The following OSBPL10 variants were observed in gnomAD, a reference collection of about 807,000 sequenced individuals.
OSBPL10 encodes oxysterol binding protein like 10.
OSBPL10 carries 49 observed loss-of-function variants against 81.7 expected under a neutral mutation model. The observed-to-expected ratio is 0.60, with a 90% confidence interval of 0.48 to 0.76. The LOEUF is 0.76. Among genes scored for constraint, OSBPL10 ranks in the 30% least tolerant of loss-of-function variants. OSBPL10 has a pLI of 0.00. For synonymous variants in OSBPL10, 419 were observed against 383.6 expected, an observed-to-expected ratio of 1.09 and a Z score of -1.08; for missense variants, 923 against 987.8, an observed-to-expected ratio of 0.93 and a Z score of 0.88.
intron 1 of OSBPL10, among the ~76,000 whole-genome samples, chr3:31,947,377 G>A (rs999296977): frequency 6.6e-6 from 1 of 152,208 alleles, no homozygotes; most frequent in Non-Finnish European, 1.5e-5. Context: ...CTGAACAGCA[G>A]TTCCCACAGC....
intron 3 of OSBPL10, among the ~76,000 whole-genome samples, chr3:31,869,395 A>AC (rs1275164965): frequency 6.6e-6 from 1 of 152,078 alleles, no homozygotes. Flanking sequence ...GTTTACGGGA[A>AC]CCCCCCACCC....
upstream of OSBPL10, among the ~76,000 whole-genome samples, chr3:31,985,167 AG>A (rs541945089): frequency 2.0e-5 from 3 of 152,216 alleles, no homozygotes; most frequent in South Asian, 6.2e-4. Context: ...TGAACCCAGA[AG>A]GCAGAGGTTG....
intron 7 of OSBPL10, among the ~76,000 whole-genome samples, chr3:31,690,787 T>G (rs1695515204): frequency 6.6e-6 from 1 of 152,228 alleles, no homozygotes; most frequent in South Asian, 2.1e-4. Context: ...CATTGGAGTT[T>G]GTGCAGAATG....
rs1698829670 is a variant in OSBPL10, at chr3:31,981,116, T to TGCTGCTGCG, written c.55_63dup (p.Arg19_Ser21dup). On this transcript the variant is annotated inframe_insertion, in exon 1 of 12. Coordinates refer to ENST00000396556, the MANE Select transcript of OSBPL10 (RefSeq NM_017784.5). This position sits in a 1 kb window ranked among gnomAD's most constrained non-coding sequence, Gnocchi z 4.5. The stretch of plus-strand genomic sequence containing the variant: ...GAGGAGCCCGCCGAGGTAGCACGGC[T>TGCTGCTGCG]GCTGCTGCGGCTGCTGCTGTTGCTA... 1.3e-6 allele frequency: 2 copies of TGCTGCTGCG among 1,492,792 alleles called. No individual in the cohort carries two copies. The highest frequency in any genetic ancestry group is 1.8e-6 in the Non-Finnish European group (2 of 1,125,992). The allele number at this position is 1,492,792 out of a possible 1,614,324, so 92.5% of individuals were successfully genotyped here.
At chr3:31,813,966 G>GC (rs1469910975) in intron 4 of OSBPL10, among the ~76,000 whole-genome samples, 1 of 152,192 alleles carries the variant, frequency 6.6e-6, no homozygotes, top group East Asian at 1.9e-4. Flanking sequence ...GACACACTGG[G>GC]CCTCATCCCT....
intron 3 of OSBPL10, among the ~76,000 whole-genome samples, chr3:31,868,317 G>C (rs1701232853): frequency 6.6e-6 from 1 of 152,126 alleles, no homozygotes; most frequent in East Asian, 1.9e-4. Context: ...AGCTGTTAGA[G>C]ATGAATTGGC....
intron 3 of OSBPL10, among the ~76,000 whole-genome samples, chr3:31,854,373 T>TCC (rs1407952881): frequency 6.6e-6 from 1 of 152,184 alleles, no homozygotes; most frequent in African/African-American, 2.4e-5. Flanking sequence ...CCATAATGCC[T>TCC]CCTTTCCCAC....
chr3:31,710,069 C>A (rs776507073), intron 6 of OSBPL10, among the ~76,000 whole-genome samples: 4 of 152,158 alleles, frequency 2.6e-5, no homozygotes, highest in Non-Finnish European at 5.9e-5. Flanking sequence ...CAGAGACCAC[C>A]ACAGCTTTAG....
chr3:31,920,090 A>G (rs892223696), intron 1 of OSBPL10, among the ~76,000 whole-genome samples: 2 of 152,218 alleles, frequency 1.3e-5, no homozygotes, highest in Admixed American at 1.3e-4. Flanking sequence ...TTTAAAATGC[A>G]GAAGATGGAA....
intron 4 of OSBPL10, among the ~76,000 whole-genome samples, chr3:31,766,759 CAATT>C (rs1698214217): frequency 6.6e-6 from 1 of 152,184 alleles, no homozygotes; most frequent in African/African-American, 2.4e-5. Context: ...TTATCCAAGA[CAATT>C]AATCAAATAA....
intron 3 of OSBPL10, among the ~76,000 whole-genome samples, chr3:31,862,274 G>A (rs1195704929): frequency 2.6e-5 from 4 of 152,024 alleles, no homozygotes; most frequent in Admixed American, 6.6e-5. Flanking sequence ...TCTTTAATGT[G>A]CCCCAGCCTG....
chr3:31,895,613 G>A (rs1696032563), intron 1 of OSBPL10, among the ~76,000 whole-genome samples: 1 of 152,110 alleles, frequency 6.6e-6, no homozygotes. Flanking sequence ...ATTACTCACA[G>A]CTGAACACAA....
At chr3:31,746,530 T>C (rs1697525577) in intron 5 of OSBPL10, among the ~76,000 whole-genome samples, 1 of 151,626 alleles carries the variant, frequency 6.6e-6, no homozygotes. Context: ...AATATAAAAT[T>C]AGTCGGGTGT....
chr3:31,669,052 T>A (rs1700264476), intron 9 of OSBPL10, among the ~76,000 whole-genome samples: 1 of 152,150 alleles, frequency 6.6e-6, no homozygotes, highest in African/African-American at 2.4e-5. Context: ...GTCTATAGAT[T>A]AGTTCATAGT....
intron 3 of OSBPL10, among the ~76,000 whole-genome samples, chr3:31,854,382 A>G (rs983331717): frequency 2.0e-5 from 3 of 152,080 alleles, no homozygotes; most frequent in African/African-American, 7.2e-5. Context: ...CTCCTTTCCC[A>G]CATTTTCTTA....
chr3:31,947,961 A>G (rs1697749297), intron 1 of OSBPL10, among the ~76,000 whole-genome samples: 1 of 151,896 alleles, frequency 6.6e-6, no homozygotes, highest in Non-Finnish European at 1.5e-5. Context: ...GAAGCAGGGG[A>G]TTGGGTTTGA....
At chr3:31,809,300 G>A (rs925305061) in intron 4 of OSBPL10, among the ~76,000 whole-genome samples, 6 of 152,092 alleles carry the variant, frequency 3.9e-5, no homozygotes, top group African/African-American at 7.2e-5. Flanking sequence ...TTTACAAGTC[G>A]CCCAATCAAG....
rs529746109 is a variant in OSBPL10, at chr3:32,059,310, C to T, written n.186-12707G>A. Among the ~76,000 whole-genome samples the T allele has an allele frequency of 2.2e-3, 337 of 149,790 alleles. 3 individuals carry two copies. The highest frequency in any genetic ancestry group is 7.9e-3 in the African/African-American group (319 of 40,632). ...ACTCTGTCTCAAAACAACAACAGGC[C>T]GGGCACAGTGGCTCACGCCTGTAAT... is the stretch of plus-strand genomic sequence containing the variant. On this transcript the variant is annotated intron_variant and non_coding_transcript_variant, in intron 1 of 3. Coordinates refer to the OSBPL10 transcript ENST00000479173.
At chr3:31,749,850 CCTT>C (rs1373782392) in intron 4 of OSBPL10, among the ~76,000 whole-genome samples, 1 of 151,644 alleles carries the variant, frequency 6.6e-6, no homozygotes, top group East Asian at 1.9e-4. Flanking sequence ...ATAAAAGTCA[CCTT>C]CTTGAGAAAT....
Sources: allele counts gnomAD v4.1 joint callset (sites outside exome capture counted in the v4.1 genomes callset), GRCh38; gene constraint gnomAD v4.1.1; non-coding constraint Gnocchi (gnomAD v3.1); transcripts MANE v1.5; gene names NCBI Gene and HGNC (gene_info 2026-07-23, HGNC 2026-07-21).